The following SUSD2 variants were observed in gnomAD, a reference collection of about 807,000 sequenced individuals.
SUSD2 encodes sushi domain-containing protein 2.
A neutral mutation model predicts 93.8 loss-of-function variants in SUSD2; 86 were observed. The ratio of observed to expected loss-of-function variants is 0.92; its 90% CI spans 0.77 to 1.10. SUSD2 has a LOEUF of 1.10. Among genes scored for constraint, SUSD2 ranks in the 50% least tolerant of loss-of-function variants. SUSD2 has a pLI of 0.00. For synonymous variants in SUSD2, 483 were observed against 485.0 expected, an observed-to-expected ratio of 1.00 and a Z score of 0.05; for missense variants, 1,060 against 1,137.0, an observed-to-expected ratio of 0.93 and a Z score of 0.97.
Position 24,188,366 on chromosome 22 carries a change from G to T in SUSD2, c.2444+39G>T. 6.2e-7 allele frequency: 1 copy of T among 1,610,980 alleles called. No individual in the cohort carries two copies. ...GCCCCTCTCCCAAGACCCCGAGACA[G>T]CCGGTGGGACCACCGAGGCTACTTC... On this transcript the variant is annotated intron_variant, in intron 14 of 14. Coordinates refer to ENST00000358321, the MANE Select transcript of SUSD2 (RefSeq NM_019601.4). The surrounding 1 kb of genome is among the most constrained non-coding windows in gnomAD (Gnocchi z 4.7).
Position 24,183,047 on chromosome 22 carries a change from T to C in SUSD2, c.77-10T>C, listed in dbSNP as rs777619713. On this transcript the variant is annotated splice_polypyrimidine_tract_variant and intron_variant, in intron 1 of 14. Transcript: ENST00000358321. ...CCGCCGGGCCAGGCCCTCAGCATCC[T>C]CTCCTCCAGATGCCCAAGAGAGCTG... 15 of 1,611,980 alleles carry C rather than the reference T, an allele frequency of 9.3e-6. No individual in the cohort carries two copies. The highest frequency in any genetic ancestry group is 5.0e-5 in the Admixed American group (3 of 59,980).
At position 24,185,752 on chromosome 22, in the gene SUSD2, C is replaced by T. The variant is rs1003803304; in HGVS notation, c.1162C>T (p.Arg388Cys). Reference sequence around the variant, plus strand: ...CTCCAGCGGCGGCAGCACTCCCGACCGCGGCCATGACTGGGGCGCACCCCC... The same window carrying T: ...CTCCAGCGGCGGCAGCACTCCCGACTGCGGCCATGACTGGGGCGCACCCCC... ...ADSSGGSTPD[R>C]GHDWGAPPFR... The change falls in exon 8 of 15, where the codon CGC becomes TGC. Residue 388 changes from arginine (R) to cysteine (C), a missense_variant. Arg to Cys is a radical substitution (Grantham distance 180). Around this residue, in one of 2 missense-constraint regions of SUSD2, gnomAD observed 973 missense variants for 1,005.3 expected, o/e 0.97. Coordinates refer to ENST00000358321, the MANE Select transcript of SUSD2 (RefSeq NM_019601.4). 10 of 1,609,016 alleles carry T rather than the reference C, an allele frequency of 6.2e-6. No individual in the cohort carries two copies. The highest frequency in any genetic ancestry group is 4.0e-5 in the African/African-American group (3 of 74,868).
intron 5 of SUSD2, 59 bp downstream of exon 5, chr22:24,184,999 A>G: frequency 6.2e-7 from 1 of 1,610,944 alleles, no homozygotes; most frequent in Non-Finnish European, 8.5e-7. Context: ...GAGGCCCATC[A>G]TGCTTGCCTG....
intron 1 of SUSD2, chr22:24,182,602 G>T (rs2047331755): frequency 5.5e-6 from 1 of 182,522 alleles, no homozygotes; most frequent in Non-Finnish European, 1.2e-5. Context: ...GTCCAGGCAA[G>T]CAAGAGGGGT....
chr22:24,187,850 G>A lies in SUSD2; in HGVS notation c.2164+7G>A, dbSNP rs370056198. ...ATGCAGAGCCTGCAGCCAGGTGAGG[G>A]CGGGCAGGTGGGGGTGGGCGGGGAG... On this transcript the variant is annotated splice_region_variant and intron_variant, in intron 12 of 14. Transcript: ENST00000358321. 3.9e-5 allele frequency: 62 copies of A among 1,608,272 alleles called. No individual in the cohort carries two copies. Among genetic ancestry groups the A allele is most frequent in the Non-Finnish European group, 4.8e-5 (56 of 1,176,940 alleles).
chr22:24,187,648 C>T lies in SUSD2; in HGVS notation c.1969C>T (p.His657Tyr). 2 of 1,613,998 alleles carry T rather than the reference C, an allele frequency of 1.2e-6. No individual in the cohort carries two copies. The highest frequency in any genetic ancestry group is 1.7e-6 in the Non-Finnish European group (2 of 1,179,992). Residue 657 changes from histidine to tyrosine, a missense_variant, in exon 12 of 15, where the codon CAC (histidine) becomes TAC (tyrosine). Coordinates refer to ENST00000358321, the MANE Select transcript of SUSD2 (RefSeq NM_019601.4). The part of the protein sequence containing the change: ...LVHNFLYQPK[H>Y]DPTFEPLFPS... ...CCACAACTTCCTGTACCAACCCAAG[C>T]ACGACCCCACCTTCGAGCCCCTCTT...
In SUSD2 at chr22:24,188,194, G is replaced by A; in HGVS notation, c.2342-31G>A. The A allele has an allele frequency of 6.3e-7, 1 of 1,590,728 alleles. No homozygotes were observed. The highest frequency in any genetic ancestry group is 8.6e-7 in the Non-Finnish European group (1 of 1,164,858). Reference sequence around the variant, plus strand: ...CTGTCCCCACTCACCACCCCAGAGAGCCCCCTCACTGACACTCGCTCCCTC... The same window carrying A: ...CTGTCCCCACTCACCACCCCAGAGAACCCCCTCACTGACACTCGCTCCCTC... On this transcript the variant is annotated intron_variant, in intron 13 of 14. Coordinates refer to ENST00000358321, the MANE Select transcript of SUSD2 (RefSeq NM_019601.4). The surrounding 1 kb of genome is among the most constrained non-coding windows in gnomAD (Gnocchi z 4.7).
At chr22:24,182,402 C>T (rs554975526) in intron 1 of SUSD2, among the ~76,000 whole-genome samples, 6 of 152,296 alleles carry the variant, frequency 3.9e-5, no homozygotes, top group Admixed American at 1.3e-4. Flanking sequence ...ACTGCTGGGA[C>T]CCCTGCTTGA....
chr22:24,181,575 C>A lies in SUSD2; in HGVS notation c.56C>A (p.Pro19Gln), dbSNP rs758881892. The change falls in exon 1 of 15, where the codon CCG becomes CAG. Residue 19 changes from proline (P) to glutamine (Q), a missense_variant. Physicochemically the swap from Pro to Gln is moderately conservative, Grantham distance 76. Transcript: ENST00000358321. ...ALLLLATALG[P>Q]GPGPTADAQE... ...CTGCTGCTGGCGACAGCCCTCGGCC[C>A]GGGCCCCGGACCCACAGCAGGTATG... The A allele has an allele frequency of 5.0e-6, 8 of 1,600,128 alleles. No homozygotes were observed. Among genetic ancestry groups the A allele is most frequent in the African/African-American group, 2.7e-5 (2 of 74,842 alleles).
intron 11 of SUSD2, 37 bp downstream of exon 11, chr22:24,187,487 G>A (rs2148866624): frequency 6.2e-7 from 1 of 1,607,196 alleles, no homozygotes; most frequent in East Asian, 2.2e-5. Flanking sequence ...AGACGGGGTG[G>A]GGGTTACTGG....
chr22:24,187,348 G>C lies in SUSD2; in HGVS notation c.1789G>C (p.Gly597Arg), dbSNP rs765493836. The C allele has an allele frequency of 2.5e-6, 4 of 1,614,014 alleles. No homozygotes were observed. Among genetic ancestry groups the C allele is most frequent in the Non-Finnish European group, 3.4e-6 (4 of 1,180,004 alleles). Residue 597 changes from glycine (G) to arginine (R), a missense_variant, in exon 11 of 15, where the codon GGG (glycine) becomes CGG (arginine). By Grantham distance (125) the Gly-to-Arg change is moderately radical (BLOSUM62 -2). Coordinates refer to ENST00000358321, the MANE Select transcript of SUSD2 (RefSeq NM_019601.4). ...CCTCACCCACACCCACGGCCTCCTC[G>C]GGACACTCAACAACGACCCCACCGA... ...KFLTHTHGLL[G>R]TLNNDPTDDF... is the part of the protein sequence containing the mutation.
Position 24,185,685 on chromosome 22 carries a change from G to A in SUSD2, c.1095G>A (p.Gln365=), listed in dbSNP as rs1288875750. 6.2e-7 allele frequency: 1 copy of A among 1,610,920 alleles called. No homozygotes were observed. The highest frequency in any genetic ancestry group is 8.5e-7 in the Non-Finnish European group (1 of 1,179,238). ...QASLRYGSGQ[Q]CCYTADGTQL... ...GCCTCCGGTACGGCTCAGGTCAGCA[G>A]TGCTGCTACACAGCGGACGGGACGC... The change falls in exon 8 of 15, where the codon CAG becomes CAA. Residue 365 remains glutamine, a synonymous_variant. Coordinates refer to ENST00000358321, the MANE Select transcript of SUSD2 (RefSeq NM_019601.4).
At chr22:24,182,881 C>T in intron 1 of SUSD2, 176 bp from the exon 2 acceptor site, 1 of 605,056 alleles carries the variant, frequency 1.7e-6, no homozygotes, top group Non-Finnish European at 2.9e-6. Flanking sequence ...CATCCCATCC[C>T]CACGGGCCCT....
rs1326752220 is a variant in SUSD2, at chr22:24,181,503, C to G, written c.-17C>G. The G allele has an allele frequency of 2.6e-6, 4 of 1,553,666 alleles. No homozygotes were observed. Among genetic ancestry groups the G allele is most frequent in the Non-Finnish European group, 3.5e-6 (4 of 1,152,698 alleles). ...CTCGGAGCCACTGCACTGCTGGCTG[C>G]AGACACAGGCTGCACCATGAAGCCA... On this transcript the variant is annotated 5_prime_UTR_variant, in exon 1 of 15. Transcript: ENST00000358321.
intron 1 of SUSD2, 114 bp downstream of exon 1, chr22:24,181,709 C>T: frequency 1.2e-6 from 1 of 840,700 alleles, no homozygotes; most frequent in Non-Finnish European, 1.8e-6. Context: ...CCATCTGTGG[C>T]TGTGCTAGGG....
rs2047381781 is a variant in SUSD2 at position 24,187,968 on chromosome 22, GTGGC to G, written c.2183_2186del (p.Leu728ProfsTer176). 2 of 1,612,838 alleles carry G rather than the reference GTGGC, an allele frequency of 1.2e-6. No homozygotes were observed. Among genetic ancestry groups the G allele is most frequent in the South Asian group, 2.2e-5 (2 of 91,072 alleles). The stretch of plus-strand genomic sequence containing the variant: ...TCTGTCCCCATCCCAGTGGTGTCCT[GTGGC>G]TGGCTGGCCCCACCTCCCAACGGAC... On this transcript the variant is annotated frameshift_variant, in exon 13 of 15. Coordinates refer to ENST00000358321, the MANE Select transcript of SUSD2 (RefSeq NM_019601.4). LOFTEE classifies it high-confidence loss of function.
At position 24,186,113 on chromosome 22, in the gene SUSD2, C is replaced by G. The variant is rs199624465; in HGVS notation, c.1437C>G (p.Thr479=). 1 of 1,612,376 alleles carries G rather than the reference C, an allele frequency of 6.2e-7. No homozygotes were observed. Among genetic ancestry groups the G allele is most frequent in the Non-Finnish European group, 8.5e-7 (1 of 1,179,546 alleles). The change falls in exon 9 of 15, where the codon ACC becomes ACG. Residue 479 remains threonine (T), a synonymous_variant. Coordinates refer to ENST00000358321, the MANE Select transcript of SUSD2 (RefSeq NM_019601.4). ...ACGTGCTGCTGGAGGCAGCGCTGAC[C>G]GACCTGAGGGTGCAGGCGCGGGCCC... ...GEYVLLEAAL[T]DLRVQARAQP...
chr22:24,183,515 C>A lies in SUSD2; in HGVS notation c.308C>A (p.Thr103Asn), dbSNP rs202237967. 1.1e-5 allele frequency: 18 copies of A among 1,612,856 alleles called. No individual in the cohort carries two copies. The Admixed American group carries it at 2.8e-4, about 25-fold the overall frequency. Reference protein sequence around the residue: ...VICRFKDSIQTLGHVDSSGQV... With the variant: ...VICRFKDSIQNLGHVDSSGQV... ...CACAGGTTTAAGGACAGCATCCAGA[C>A]CCTCGGCCATGTGGACTCCTCCGGG... Residue 103 changes from threonine to asparagine, a missense_variant, in exon 3 of 15, where the codon ACC (threonine) becomes AAC (asparagine). Thr to Asn is a moderately conservative substitution (Grantham distance 65). This residue lies in a region of SUSD2 where 973 missense variants were observed against 1,005.3 expected (regional missense o/e 0.97). Transcript: ENST00000358321.
At position 24,188,077 on chromosome 22, in the gene SUSD2, G is replaced by A. The variant is rs373583455; in HGVS notation, c.2283G>A (p.Glu761=). The change falls in exon 13 of 15, where the codon GAG becomes GAA. Residue 761 remains glutamate, a synonymous_variant. Coordinates refer to ENST00000358321, the MANE Select transcript of SUSD2 (RefSeq NM_019601.4). This position sits in a 1 kb window ranked among gnomAD's most constrained non-coding sequence, Gnocchi z 4.7. ...CDNGYSLAGA[E]TSTCQADGTW... ...ACGGCTACAGCCTGGCCGGGGCAGAGACCAGCACCTGCCAGGCTGACGGCA... is the reference window on the plus strand; with the variant it reads ...ACGGCTACAGCCTGGCCGGGGCAGAAACCAGCACCTGCCAGGCTGACGGCA... 1.2e-6 allele frequency: 2 copies of A among 1,612,702 alleles called. No homozygotes were observed. Among genetic ancestry groups the A allele is most frequent in the African/African-American group, 2.7e-5 (2 of 74,868 alleles).
Sources: allele counts gnomAD v4.1 joint callset (sites outside exome capture counted in the v4.1 genomes callset), GRCh38; gene constraint gnomAD v4.1.1; regional missense constraint gnomAD v4.1.1; non-coding constraint Gnocchi (gnomAD v3.1); transcripts MANE v1.5; gene names NCBI Gene and HGNC (gene_info 2026-07-23, HGNC 2026-07-21).